The following MYO1E variants were observed in gnomAD, a reference collection of about 807,000 sequenced individuals.
The protein encoded by MYO1E is myosin IE.
Under a neutral mutation model 151.1 loss-of-function variants are expected in MYO1E, and 68 were observed. The ratio of observed to expected loss-of-function variants is 0.45; its 90% CI spans 0.37 to 0.55. The LOEUF (loss-of-function observed/expected upper bound fraction) is 0.55. Ranked by LOEUF, MYO1E falls within the 20% of genes least tolerant of loss-of-function variation. MYO1E has a pLI of 0.00. For synonymous variants in MYO1E, 601 were observed against 501.7 expected (o/e 1.20, Z -2.64); for missense variants, 1,363 against 1,389.3 (o/e 0.98, Z 0.30).
intron 9 of MYO1E, among the ~76,000 whole-genome samples, chr15:59,220,947 AGAT>A (rs2079951382): frequency 8.3e-6 from 1 of 119,952 alleles, no homozygotes; most frequent in Non-Finnish European, 1.8e-5. Flanking sequence ...AAAAAAAAAA[AGAT>A]AAAGCTCCTT....
At chr15:59,229,812 G>C (rs1276107629) in intron 6 of MYO1E, among the ~76,000 whole-genome samples, 1 of 151,458 alleles carries the variant, frequency 6.6e-6, no homozygotes, top group Non-Finnish European at 1.5e-5. Flanking sequence ...AATAATTACT[G>C]TCATAGATGT....
chr15:59,310,070 G>C (rs2080540839), intron 1 of MYO1E, among the ~76,000 whole-genome samples: 1 of 152,132 alleles, frequency 6.6e-6, no homozygotes, highest in Non-Finnish European at 1.5e-5. Flanking sequence ...TTTTTGGTCA[G>C]TTCTCCACAG....
chr15:59,142,515 G>A (rs768654435), intron 26 of MYO1E, among the ~76,000 whole-genome samples: 4 of 152,160 alleles, frequency 2.6e-5, no homozygotes, highest in Non-Finnish European at 4.4e-5. Context: ...TCTGTCCTTC[G>A]TGTCTTCCTT....
At chr15:59,322,944 G>A (rs964126302) in intron 1 of MYO1E, among the ~76,000 whole-genome samples, 1 of 150,562 alleles carries the variant, frequency 6.6e-6, no homozygotes. Flanking sequence ...GGCGGATCAC[G>A]AGGTCAGGAG....
At chr15:59,179,148 C>T (rs1162845133) in intron 18 of MYO1E, among the ~76,000 whole-genome samples, 1 of 152,178 alleles carries the variant, frequency 6.6e-6, no homozygotes. Context: ...GCGCCTCTGC[C>T]CCTGCTCTCC....
intron 17 of MYO1E, among the ~76,000 whole-genome samples, chr15:59,190,777 T>C (rs1424447893): frequency 1.3e-5 from 2 of 152,244 alleles, no homozygotes; most frequent in East Asian, 3.8e-4. Flanking sequence ...GTAAAGCTGT[T>C]ATTATCGTCA....
intron 1 of MYO1E, among the ~76,000 whole-genome samples, chr15:59,355,831 T>C (rs1451747462): frequency 1.3e-5 from 2 of 152,102 alleles, no homozygotes; most frequent in Non-Finnish European, 2.9e-5. Context: ...TCTTCCCACC[T>C]CAGCCTCCCA....
chr15:59,197,887 G>C (rs762834668), intron 16 of MYO1E, among the ~76,000 whole-genome samples: 1 of 152,138 alleles, frequency 6.6e-6, no homozygotes, highest in Non-Finnish European at 1.5e-5. Flanking sequence ...TTTGAAACAG[G>C]GTCTTGCTCT....
At chr15:59,339,853 GTTTTTTTTTT>G (rs11300848) in intron 1 of MYO1E, among the ~76,000 whole-genome samples, 1 of 133,554 alleles carries the variant, frequency 7.5e-6, no homozygotes, top group Non-Finnish European at 1.6e-5. Context: ...ACTTTTTTTT[GTTTTTTTTTT>G]TTTTGACAGA....
chr15:59,341,969 CATTT>C (rs2080768228), intron 1 of MYO1E, among the ~76,000 whole-genome samples: 1 of 152,132 alleles, frequency 6.6e-6, no homozygotes, highest in African/African-American at 2.4e-5. Context: ...TGGCTATACT[CATTT>C]ATATTTCCAC....
intron 7 of MYO1E, among the ~76,000 whole-genome samples, chr15:59,225,547 CA>C (rs2079984713): frequency 6.6e-6 from 1 of 152,224 alleles, no homozygotes; most frequent in Admixed American, 6.5e-5. Context: ...CCCGATCCTA[CA>C]TATCTAGAAA....
At chr15:59,149,853 T>C (rs16941069) in intron 26 of MYO1E, among the ~76,000 whole-genome samples, 3 of 152,132 alleles carry the variant, frequency 2.0e-5, no homozygotes, top group East Asian at 1.9e-4. Flanking sequence ...CTTTGATGTA[T>C]AGGAATTTTC....
chr15:59,354,091 T>C lies in MYO1E; in HGVS notation c.3+18407A>G, dbSNP rs576205002. ...GCTCGATCAACCTTTCAAAACAACA[T>C]GAAGGGCAAACATTAAGAGCCATTC... On this transcript the variant is annotated intron_variant, in intron 1 of 27. Coordinates refer to ENST00000288235, the MANE Select transcript of MYO1E (RefSeq NM_004998.4). 5.9e-5 allele frequency among the ~76,000 whole-genome samples: 9 copies of C among 152,128 alleles called. No homozygotes were observed. In the South Asian group the frequency reaches 1.2e-3, roughly 21 times the overall value.
intron 16 of MYO1E, among the ~76,000 whole-genome samples, chr15:59,196,716 T>C (rs1015281171): frequency 1.3e-5 from 2 of 152,186 alleles, no homozygotes; most frequent in Admixed American, 6.5e-5. Context: ...ATAGCATTCT[T>C]TGCGATGCTT....
chr15:59,165,555 A>T (rs2079559014), intron 22 of MYO1E, among the ~76,000 whole-genome samples: 1 of 152,226 alleles, frequency 6.6e-6, no homozygotes, highest in African/African-American at 2.4e-5. Flanking sequence ...TGGTTTAAAC[A>T]ATAGACGGTT....
intron 1 of MYO1E, among the ~76,000 whole-genome samples, chr15:59,333,697 T>G (rs1012175825): frequency 3.9e-5 from 6 of 152,218 alleles, no homozygotes; most frequent in Admixed American, 3.9e-4. Context: ...CTAGATCCAT[T>G]CTCTTCCTGC....
intron 1 of MYO1E, among the ~76,000 whole-genome samples, chr15:59,273,213 T>A (rs762786334): frequency 1.2e-4 from 18 of 152,142 alleles, no homozygotes; most frequent in African/African-American, 2.4e-4. Context: ...CGTCTGGGAT[T>A]TTTCAGCTTC....
chr15:59,331,717 T>A (rs1298485308), intron 1 of MYO1E, among the ~76,000 whole-genome samples: 8 of 152,370 alleles, frequency 5.3e-5, no homozygotes, highest in African/African-American at 1.9e-4. Context: ...AACAGGTCAG[T>A]AGCACATCTT....
At chr15:59,277,731 G>A (rs2080329643) in intron 1 of MYO1E, among the ~76,000 whole-genome samples, 1 of 152,150 alleles carries the variant, frequency 6.6e-6, no homozygotes, top group African/African-American at 2.4e-5. Flanking sequence ...AATACAGAAT[G>A]CTCTGCAAAG....
Sources: allele counts gnomAD v4.1 joint callset (sites outside exome capture counted in the v4.1 genomes callset), GRCh38; gene constraint gnomAD v4.1.1; transcripts MANE v1.5; gene names NCBI Gene and HGNC (gene_info 2026-07-23, HGNC 2026-07-21).